The following NUP93 variants were observed in gnomAD, a reference collection of about 807,000 sequenced individuals.
The protein encoded by NUP93 is nuclear pore complex protein Nup93.
In NUP93, 55 loss-of-function variants were observed where a neutral mutation model predicts 107.8. The ratio of observed to expected loss-of-function variants is 0.51; its 90% CI spans 0.41 to 0.64. The LOEUF (loss-of-function observed/expected upper bound fraction) is 0.64. Ranked by LOEUF, NUP93 falls within the 30% of genes least tolerant of loss-of-function variation. NUP93 has a pLI of 0.00. For missense variants in NUP93, 937 were observed against 1,044.7 expected (o/e 0.90, Z 1.42); for synonymous variants, 390 against 397.5 (o/e 0.98, Z 0.22).
chr16:56,758,676 G>T (rs1257330133), intron 3 of NUP93, 21 bp downstream of exon 3: 1 of 1,558,754 alleles, frequency 6.4e-7, no homozygotes, highest in African/African-American at 1.4e-5. Context: ...CCAAGTGCAG[G>T]TGGAACCCAG....
intron 17 of NUP93, among the ~76,000 whole-genome samples, chr16:56,837,246 A>G (rs1489887979): frequency 6.6e-6 from 1 of 152,240 alleles, no homozygotes; most frequent in African/African-American, 2.4e-5. Flanking sequence ...TCTCTCCTTT[A>G]TCAACTGAGA....
chr16:56,839,290 C>G, intron 19 of NUP93: 1 of 166,248 alleles, frequency 6.0e-6, no homozygotes. Context: ...AATCTGAAAA[C>G]AGAGAAGTTT....
intron 13 of NUP93, 80 bp from the exon 14 acceptor site, chr16:56,834,048 G>T (rs1367687575): frequency 5.0e-6 from 8 of 1,586,782 alleles, no homozygotes; most frequent in East Asian, 2.3e-5. Context: ...TGGGTCTGTG[G>T]ATTCAGCTTC....
intron 3 of NUP93, chr16:56,783,546 G>T (rs1962559337): frequency 1.0e-6 from 1 of 985,362 alleles, no homozygotes; most frequent in East Asian, 1.1e-4. Flanking sequence ...ACCCTGTATG[G>T]GAGATGACTC....
chr16:56,740,144 C>T (rs1260943987), intron 1 of NUP93, among the ~76,000 whole-genome samples: 1 of 147,872 alleles, frequency 6.8e-6, no homozygotes, highest in Non-Finnish European at 1.5e-5. Context: ...CACCTCCCTC[C>T]CGGACGGGGT....
At chr16:56,808,176 TAAA>T (rs1217822843) in intron 5 of NUP93, among the ~76,000 whole-genome samples, 1 of 128,334 alleles carries the variant, frequency 7.8e-6, no homozygotes, top group African/African-American at 3.0e-5. Context: ...TATAACTATA[TAAA>T]ATATATAGTT....
At chr16:56,734,938 G>C (rs1472856359) in intron 1 of NUP93, among the ~76,000 whole-genome samples, 1 of 152,134 alleles carries the variant, frequency 6.6e-6, no homozygotes, top group African/African-American at 2.4e-5. Flanking sequence ...CTATCTTTCT[G>C]ACACGGCTGT....
At chr16:56,831,626 G>A in intron 10 of NUP93, 1 of 490,932 alleles carries the variant, frequency 2.0e-6, no homozygotes, top group South Asian at 2.5e-5. Context: ...TCAGCAAATA[G>A]AAAACCGGCA....
chr16:56,796,235 G>A, intron 3 of NUP93, among the ~76,000 whole-genome samples: 1 of 152,154 alleles, frequency 6.6e-6, no homozygotes, highest in East Asian at 1.9e-4. Flanking sequence ...ATATACAACA[G>A]TGGTCCCATA....
chr16:56,843,943 C>G (rs1964073910), intron 21 of NUP93, among the ~76,000 whole-genome samples: 1 of 152,072 alleles, frequency 6.6e-6, no homozygotes, highest in Non-Finnish European at 1.5e-5. Context: ...ATACTGTTGC[C>G]TGGGGAAAGA....
Position 56,848,064 on chromosome 16 carries a change from A to G in NUP93, c.*3455A>G, listed in dbSNP as rs1419547172. 1 of 152,224 alleles carries G rather than the reference A, an allele frequency of 6.6e-6. No individual in the cohort carries two copies. Among genetic ancestry groups the G allele is most frequent in the Non-Finnish European group, 1.5e-5 (1 of 68,046 alleles). 9.4% of individuals were successfully genotyped at this position (152,224 alleles called of 1,614,324 possible). ...ATTTGCAGTTATATGCAGCTCTGCC[A>G]ACGCCTTCCTGCTTTAGACTGGATC... On this transcript the variant is annotated 3_prime_UTR_variant, in exon 22 of 22. Coordinates refer to ENST00000308159, the MANE Select transcript of NUP93 (RefSeq NM_014669.5).
At chr16:56,816,734 GTA>G in intron 5 of NUP93, among the ~76,000 whole-genome samples, 1 of 152,234 alleles carries the variant, frequency 6.6e-6, no homozygotes, top group East Asian at 1.9e-4. Flanking sequence ...ATTCAGTGGT[GTA>G]TAGGGATCAA....
intron 5 of NUP93, among the ~76,000 whole-genome samples, chr16:56,808,503 T>TATATAGTTATGTAACTATATAA (rs1963220879): frequency 8.7e-5 from 10 of 114,940 alleles, no homozygotes; most frequent in Non-Finnish European, 1.5e-4. Context: ...ACTATATAAA[T>TATATAGTTATGTAACTATATAA]ATATAGTTAT....
chr16:56,831,820 G>T (rs759193864), intron 10 of NUP93, 22 bp from the exon 11 acceptor site: 21 of 1,611,808 alleles, frequency 1.3e-5, no homozygotes, highest in Middle Eastern at 3.3e-4. Context: ...GTATCTATCT[G>T]TCTGTTCCCT....
chr16:56,829,315 A>C (rs1963733441), intron 9 of NUP93, among the ~76,000 whole-genome samples: 1 of 152,232 alleles, frequency 6.6e-6, no homozygotes, highest in African/African-American at 2.4e-5. Context: ...GGTGGAGAAG[A>C]GTGCATGGAG....
At chr16:56,812,142 T>G (rs1170976582) in intron 5 of NUP93, among the ~76,000 whole-genome samples, 4 of 152,180 alleles carry the variant, frequency 2.6e-5, no homozygotes, top group Non-Finnish European at 4.4e-5. Flanking sequence ...GAGCTGACCT[T>G]AACACTTGAA....
intron 3 of NUP93, among the ~76,000 whole-genome samples, chr16:56,765,272 A>G (rs1386932802): frequency 6.6e-6 from 1 of 152,260 alleles, no homozygotes. Flanking sequence ...CTTTTAGTTA[A>G]GCATTTGCAT....
At position 56,845,691 on chromosome 16, in the gene NUP93, A is replaced by G. The variant is rs1188466698; in HGVS notation, c.*1082A>G. On this transcript the variant is annotated 3_prime_UTR_variant, in exon 22 of 22. Coordinates refer to ENST00000308159, the MANE Select transcript of NUP93 (RefSeq NM_014669.5). ...GTGGTCTGCTCTGCTGGTTTGATGGACGGCTCCCTGAGGTAGACTCTTTCC... is the reference window on the plus strand; with the variant it reads ...GTGGTCTGCTCTGCTGGTTTGATGGGCGGCTCCCTGAGGTAGACTCTTTCC... The G allele has an allele frequency of 6.6e-6, 1 of 152,128 alleles. No homozygotes were observed. Among genetic ancestry groups the G allele is most frequent in the African/African-American group, 2.4e-5 (1 of 41,424 alleles). The allele number at this position is 152,128 out of a possible 1,614,324, so 9.4% of individuals were successfully genotyped here. A position where few individuals can be genotyped will look rare whatever the true frequency, so the allele number is the denominator to read the frequency against.
At chr16:56,820,284 G>A (rs1596838445) in intron 6 of NUP93, among the ~76,000 whole-genome samples, 1 of 152,194 alleles carries the variant, frequency 6.6e-6, no homozygotes, top group Admixed American at 6.5e-5. Context: ...TAAGTACTAC[G>A]TCATGGTTTA....
Sources: allele counts gnomAD v4.1 joint callset (sites outside exome capture counted in the v4.1 genomes callset), GRCh38; gene constraint gnomAD v4.1.1; transcripts MANE v1.5; gene names NCBI Gene and HGNC (gene_info 2026-07-23, HGNC 2026-07-21).